Variants in DOCK10 observed in about 807,000 individuals in gnomAD.
DOCK10 encodes dedicator of cytokinesis 10.
Under a neutral mutation model 280.1 loss-of-function variants are expected in DOCK10, and 145 were observed. That is an observed-to-expected ratio of 0.52 (90% confidence interval 0.45 to 0.59). DOCK10 has a LOEUF of 0.59. Among genes scored for constraint, DOCK10 ranks in the 20% least tolerant of loss-of-function variants. The pLI is 0.00. For synonymous variants in DOCK10, 915 were observed against 942.2 expected, an observed-to-expected ratio of 0.97 and a Z score of 0.53; for missense variants, 2,368 against 2,651.7, an observed-to-expected ratio of 0.89 and a Z score of 2.35.
chr2:224,864,663 C>T lies in DOCK10; in HGVS notation c.1492G>A (p.Val498Ile). Reference sequence around the variant, plus strand: ...ACAATTTCAGAATGTGGATTGCTTACAGAAAATACAGCCTGTGTACAAAGA... The same window carrying T: ...ACAATTTCAGAATGTGGATTGCTTATAGAAAATACAGCCTGTGTACAAAGA... ...LKFPKQAVFS[V>I]SNPHSEIVLV... is the part of the protein sequence containing the mutation. Residue 498 changes from valine to isoleucine, a missense_variant, in exon 13 of 56, where the codon GTA becomes ATA. Coordinates refer to ENST00000258390, the MANE Select transcript of DOCK10 (RefSeq NM_014689.3). 1 of 1,611,284 alleles carries T rather than the reference C, an allele frequency of 6.2e-7. No individual in the cohort carries two copies. The highest frequency in any genetic ancestry group is 1.7e-5 in the Admixed American group (1 of 59,358).
intron 3 of DOCK10, among the ~76,000 whole-genome samples, chr2:224,905,234 ATT>A (rs201582173): frequency 0.015 from 1,647 of 111,214 alleles, 8 homozygotes; most frequent in African/African-American, 0.061. Flanking sequence ...CTATGGAACT[ATT>A]TTTTTTTTTT....
At position 224,982,217 on chromosome 2, in the gene DOCK10, A is replaced by G. The variant is rs1268833241; in HGVS notation, c.124-50549T>C. 5 of 1,231,694 alleles carry G rather than the reference A, an allele frequency of 4.1e-6. No individual in the cohort carries two copies. In the African/African-American group the frequency reaches 7.8e-5, roughly 19 times the overall value. The allele number at this position is 1,231,694 out of a possible 1,614,324, so 76.3% of individuals were successfully genotyped here. ...CCACGGATACCATACCATTATGATG[A>G]GGGTTCTGGGTCTATTCATTTCATC... On this transcript the variant is annotated intron_variant, in intron 1 of 55. Coordinates refer to ENST00000258390, the MANE Select transcript of DOCK10 (RefSeq NM_014689.3).
chr2:224,854,528 T>A (rs1351452568), intron 16 of DOCK10, among the ~76,000 whole-genome samples: 1 of 152,218 alleles, frequency 6.6e-6, no homozygotes, highest in African/African-American at 2.4e-5. Context: ...TAGCCTCTAT[T>A]TTGAGTGAGA....
chr2:224,992,448 A>C (rs1458211037), intron 1 of DOCK10, among the ~76,000 whole-genome samples: 3 of 152,212 alleles, frequency 2.0e-5, no homozygotes, highest in African/African-American at 7.2e-5. Flanking sequence ...AGTCGCCCAA[A>C]GTATCATTTT....
intron 2 of DOCK10, among the ~76,000 whole-genome samples, chr2:224,919,955 T>C (rs1332999516): frequency 6.6e-6 from 1 of 152,126 alleles, no homozygotes; most frequent in Non-Finnish European, 1.5e-5. Flanking sequence ...TGGCTACCAA[T>C]TCAAACCAGG....
chr2:224,831,727 G>T (rs72970984), intron 26 of DOCK10, among the ~76,000 whole-genome samples: 8,686 of 152,250 alleles, frequency 0.057, 287 homozygotes, highest in South Asian at 0.077. Context: ...ACATCTGAGT[G>T]CTGTCCACAA....
intron 26 of DOCK10, among the ~76,000 whole-genome samples, chr2:224,833,657 C>A (rs868129413): frequency 2.0e-5 from 3 of 147,492 alleles, no homozygotes; most frequent in East Asian, 3.9e-4. Context: ...ATCTATGTAT[C>A]TCTCTCTCTC....
Position 225,026,133 on chromosome 2 carries a change from G to C in DOCK10, c.123+16119C>G, listed in dbSNP as rs973730532. Among the ~76,000 whole-genome samples, 30 of 152,098 alleles carry C rather than the reference G, an allele frequency of 2.0e-4. 1 individual carries two copies. Among genetic ancestry groups the C allele is most frequent in the Non-Finnish European group, 1.2e-4 (8 of 68,014 alleles). On this transcript the variant is annotated intron_variant, in intron 1 of 55. Transcript: ENST00000258390. ...GGTAGCTGGTGGCACGGGCCTGAGT[G>C]GCATCCTTGGGTAATGCCCAGAAGC...
intron 39 of DOCK10, 148 bp downstream of exon 39, chr2:224,803,964 G>A: frequency 3.6e-6 from 2 of 552,536 alleles, no homozygotes; most frequent in Non-Finnish European, 6.3e-6. Flanking sequence ...ATAGTTACTT[G>A]AAATCTGCAC....
chr2:224,888,737 T>A (rs538313720), intron 4 of DOCK10, among the ~76,000 whole-genome samples: 1 of 148,904 alleles, frequency 6.7e-6, no homozygotes, highest in Admixed American at 6.6e-5. Context: ...TGTGAATATA[T>A]GTGTGTATGT....
At chr2:224,959,313 C>T (rs1704228648) in intron 1 of DOCK10, among the ~76,000 whole-genome samples, 1 of 151,934 alleles carries the variant, frequency 6.6e-6, no homozygotes, top group Non-Finnish European at 1.5e-5. Context: ...ACTTCTTGTT[C>T]TGAAGCTTTT....
At chr2:224,964,001 T>C (rs937571756) in intron 1 of DOCK10, among the ~76,000 whole-genome samples, 11 of 150,754 alleles carry the variant, frequency 7.3e-5, no homozygotes, top group Admixed American at 5.9e-4. Flanking sequence ...AAATTCTTTT[T>C]TTTTTTTTTT....
intron 3 of DOCK10, among the ~76,000 whole-genome samples, chr2:224,912,657 T>C (rs1031573856): frequency 6.6e-6 from 1 of 152,228 alleles, no homozygotes; most frequent in Non-Finnish European, 1.5e-5. Flanking sequence ...TATTTGTGTA[T>C]ATATGTATAG....
chr2:224,985,554 A>G (rs1705950508), intron 1 of DOCK10, among the ~76,000 whole-genome samples: 1 of 151,834 alleles, frequency 6.6e-6, no homozygotes, highest in South Asian at 2.1e-4. Flanking sequence ...TGTTTTTAAC[A>G]TCTTATTGAC....
intron 4 of DOCK10, among the ~76,000 whole-genome samples, chr2:224,887,567 C>G (rs1012110203): frequency 1.3e-5 from 2 of 152,136 alleles, no homozygotes; most frequent in Admixed American, 1.3e-4. Flanking sequence ...CAATACCATC[C>G]AAAGTATGGG....
intron 4 of DOCK10, chr2:224,893,544 C>A: frequency 3.3e-6 from 1 of 303,346 alleles, no homozygotes; most frequent in Non-Finnish European, 6.8e-6. Context: ...CTTTTTTCTT[C>A]TGGGATCTCC....
At chr2:224,819,754 T>C (rs1335371732) in intron 28 of DOCK10, among the ~76,000 whole-genome samples, 1 of 151,980 alleles carries the variant, frequency 6.6e-6, no homozygotes, top group African/African-American at 2.4e-5. Flanking sequence ...GGCAATATAC[T>C]AACAGAGAAT....
At chr2:225,024,864 T>A (rs549697305) in intron 1 of DOCK10, among the ~76,000 whole-genome samples, 7 of 151,670 alleles carry the variant, frequency 4.6e-5, no homozygotes, top group Non-Finnish European at 1.0e-4. Context: ...TGCTCCACTG[T>A]GAGCAACCAA....
chr2:224,969,435 T>C (rs1704960020), intron 1 of DOCK10, among the ~76,000 whole-genome samples: 1 of 152,162 alleles, frequency 6.6e-6, no homozygotes, highest in Non-Finnish European at 1.5e-5. Flanking sequence ...CATTTCTTTT[T>C]GTTATAGTTG....
Sources: gnomAD v4.1 joint callset for allele counts (sites outside exome capture counted in the v4.1 genomes callset) on GRCh38, gnomAD v4.1.1 for gene constraint, MANE v1.5 for transcripts, NCBI Gene and HGNC (gene_info 2026-07-23, HGNC 2026-07-21) for gene names.